Variants in PTPRR observed in about 807,000 individuals in gnomAD.
The protein encoded by PTPRR is receptor-type tyrosine-protein phosphatase R.
Under a neutral mutation model 77.2 loss-of-function variants are expected in PTPRR, and 38 were observed. That is an observed-to-expected ratio of 0.49 (90% CI 0.38 to 0.65). The LOEUF (loss-of-function observed/expected upper bound fraction) is 0.65, where lower values mean the gene tolerates loss of function less well. Ranked by LOEUF, PTPRR falls within the 30% of genes least tolerant of loss-of-function variation. The pLI is 0.00. For missense variants in PTPRR, 744 were observed against 799.2 expected (o/e 0.93, Z 0.83); for synonymous variants, 299 against 283.1 (o/e 1.06, Z -0.57).
At chr12:70,766,105 G>A (rs1368417931) in intron 2 of PTPRR, among the ~76,000 whole-genome samples, 14 of 152,150 alleles carry the variant, frequency 9.2e-5, no homozygotes, top group Admixed American at 2.0e-4. Context: ...AAAGCAGAGC[G>A]CCTCTCCTCC....
chr12:70,646,599 T>A (rs892607544), intron 13 of PTPRR, among the ~76,000 whole-genome samples: 3 of 152,168 alleles, frequency 2.0e-5, no homozygotes, highest in African/African-American at 7.2e-5. Flanking sequence ...TTTTACAAAG[T>A]AGACCTCTTG....
chr12:70,761,724 T>G, intron 3 of PTPRR, 98 bp from the exon 4 acceptor site: 1 of 955,538 alleles, frequency 1.0e-6, no homozygotes, highest in Non-Finnish European at 1.5e-6. Context: ...GAAGTCAGAA[T>G]TCTAGAATCC....
rs112034927 is a variant in PTPRR at position 70,698,406 on chromosome 12, T to G, written c.1195-57A>C. On this transcript the variant is annotated intron_variant, in intron 7 of 13. Transcript: ENST00000283228. ...TCTAATACTGCCACAAAGAAAATCT[T>G]CACAGGGGGGCATCTGATCCAGAGT... is the stretch of plus-strand genomic sequence containing the variant. 7.6e-6 allele frequency: 11 copies of G among 1,449,148 alleles called. 1 individual carries two copies. The highest frequency in any genetic ancestry group is 7.0e-5 in the African/African-American group (5 of 71,530). The allele number at this position is 1,449,148 out of a possible 1,614,324, so 89.8% of individuals were successfully genotyped here.
chr12:70,710,280 T>G (rs1888777404), intron 6 of PTPRR, among the ~76,000 whole-genome samples: 1 of 152,138 alleles, frequency 6.6e-6, no homozygotes, highest in African/African-American at 2.4e-5. Flanking sequence ...TCAACAAATC[T>G]GACAAAAACA....
At chr12:70,823,125 A>G (rs902168598) in intron 2 of PTPRR, among the ~76,000 whole-genome samples, 4 of 149,708 alleles carry the variant, frequency 2.7e-5, no homozygotes, top group African/African-American at 9.8e-5. Flanking sequence ...ACACACACAC[A>G]CACACACACA....
chr12:70,853,731 C>CA (rs1451216944), intron 2 of PTPRR, among the ~76,000 whole-genome samples: 2 of 152,200 alleles, frequency 1.3e-5, no homozygotes, highest in African/African-American at 4.8e-5. Flanking sequence ...TCTAGGGCCC[C>CA]AAGCTTTGCT....
chr12:70,639,259 G>A lies in PTPRR; in HGVS notation c.1899C>T (p.Thr633=). ...GGTGCACAAATTCATACTGCTCACT[G>A]GTTTGCACCATTCCACCTCTGCAAG... is the stretch of plus-strand genomic sequence containing the variant. ...LRMDRGGMVQ[T]SEQYEFVHHA... Residue 633 remains threonine, a synonymous_variant, in exon 14 of 14, where the codon ACC becomes ACT. Transcript: ENST00000283228. The A allele has an allele frequency of 2.5e-6, 4 of 1,613,230 alleles. No individual in the cohort carries two copies. Among genetic ancestry groups the A allele is most frequent in the Non-Finnish European group, 3.4e-6 (4 of 1,179,862 alleles).
chr12:70,640,297 G>A (rs2136634045), intron 13 of PTPRR, among the ~76,000 whole-genome samples: 1 of 151,970 alleles, frequency 6.6e-6, no homozygotes, highest in Non-Finnish European at 1.5e-5. Context: ...CTCAGCCTCT[G>A]GTGTAGCTGG....
intron 2 of PTPRR, among the ~76,000 whole-genome samples, chr12:70,783,551 C>G (rs890308393): frequency 1.3e-5 from 2 of 152,088 alleles, no homozygotes; most frequent in Non-Finnish European, 2.9e-5. Context: ...CTGGCTGAGG[C>G]CTTTATGGGC....
intron 6 of PTPRR, among the ~76,000 whole-genome samples, chr12:70,732,954 A>C (rs966096277): frequency 1.3e-5 from 2 of 152,162 alleles, no homozygotes; most frequent in African/African-American, 4.8e-5. Context: ...AGATTTAACA[A>C]ATATTTATGG....
chr12:70,639,524 T>C, intron 13 of PTPRR: 1 of 1,217,752 alleles, frequency 8.2e-7, no homozygotes, highest in Non-Finnish European at 1.0e-6. Context: ...TTTACCTGTG[T>C]AACATTACTG....
chr12:70,869,189 A>G (rs1182356959), intron 2 of PTPRR, among the ~76,000 whole-genome samples: 1 of 152,126 alleles, frequency 6.6e-6, no homozygotes, highest in Admixed American at 6.5e-5. Flanking sequence ...TATAATAATA[A>G]TAAAATTAAA....
chr12:70,788,443 A>G (rs1891366333), intron 2 of PTPRR, among the ~76,000 whole-genome samples: 1 of 152,218 alleles, frequency 6.6e-6, no homozygotes, highest in South Asian at 2.1e-4. Context: ...CCCTGATGTC[A>G]GTGTGGGAAC....
At chr12:70,731,849 C>G (rs773837899) in intron 6 of PTPRR, among the ~76,000 whole-genome samples, 5 of 152,196 alleles carry the variant, frequency 3.3e-5, no homozygotes, top group Admixed American at 6.5e-5. Flanking sequence ...CTCAGGAGAT[C>G]CTACTGTGTG....
At chr12:70,820,257 A>AG (rs1340574616) in intron 2 of PTPRR, among the ~76,000 whole-genome samples, 1 of 152,224 alleles carries the variant, frequency 6.6e-6, no homozygotes. Context: ...GTCTGGGAAA[A>AG]GACTGAGAGT....
chr12:70,832,530 G>A (rs1382053685), intron 2 of PTPRR, among the ~76,000 whole-genome samples: 1 of 152,118 alleles, frequency 6.6e-6, no homozygotes, highest in Non-Finnish European at 1.5e-5. Flanking sequence ...GGAATAGCAG[G>A]AAATGGGACT....
rs551833141 is a variant in PTPRR, at chr12:70,878,383, T to C, written c.357+14296A>G. ...AAGGGCTAATATCCAGAATCTACAA[T>C]GAACTCAAACAAATTTACAAGAAAA... On this transcript the variant is annotated intron_variant, in intron 2 of 13. Transcript: ENST00000283228. 2.2e-4 allele frequency among the ~76,000 whole-genome samples: 34 copies of C among 151,988 alleles called. No individual in the cohort carries two copies. The East Asian group carries it at 6.0e-3, about 27-fold the overall frequency.
At chr12:70,888,271 A>G (rs778664554) in intron 2 of PTPRR, among the ~76,000 whole-genome samples, 18 of 152,190 alleles carry the variant, frequency 1.2e-4, no homozygotes, top group Non-Finnish European at 2.6e-4. Flanking sequence ...TTAGCAAAAA[A>G]TAATTTACTT....
intron 6 of PTPRR, among the ~76,000 whole-genome samples, chr12:70,732,428 T>C (rs1040402882): frequency 1.3e-5 from 2 of 152,314 alleles, no homozygotes; most frequent in Admixed American, 6.5e-5. Context: ...AGGTGCAGCG[T>C]GACATTGCCA....
Sources: allele counts gnomAD v4.1 joint callset (sites outside exome capture counted in the v4.1 genomes callset), GRCh38; gene constraint gnomAD v4.1.1; transcripts MANE v1.5; gene names NCBI Gene and HGNC (gene_info 2026-07-23, HGNC 2026-07-21).